The following FGD4 variants were observed in gnomAD, a reference collection of about 807,000 sequenced individuals.
FGD4 encodes FYVE, RhoGEF and PH domain-containing protein 4.
A neutral mutation model predicts 102.0 loss-of-function variants in FGD4; 42 were observed. The ratio of observed to expected loss-of-function variants is 0.41; its 90% CI spans 0.32 to 0.53. The LOEUF (loss-of-function observed/expected upper bound fraction) is 0.53, where lower values mean the gene tolerates loss of function less well. Among genes scored for constraint, FGD4 ranks in the 20% least tolerant of loss-of-function variants. The pLI is 0.21. For synonymous variants in FGD4, 380 were observed against 375.7 expected, an observed-to-expected ratio of 1.01 and a Z score of -0.13; for missense variants, 902 against 1,078.2, an observed-to-expected ratio of 0.84 and a Z score of 2.29.
chr12:32,514,195 T>C (rs1210818608), intron 1 of FGD4, among the ~76,000 whole-genome samples: 1 of 152,218 alleles, frequency 6.6e-6, no homozygotes, highest in Non-Finnish European at 1.5e-5. Context: ...AATGGATATA[T>C]ATTCATGTTA....
intron 14 of FGD4, among the ~76,000 whole-genome samples, chr12:32,627,991 T>A (rs1469883811): frequency 6.6e-6 from 1 of 152,064 alleles, no homozygotes; most frequent in Non-Finnish European, 1.5e-5. Context: ...AAATGGGATA[T>A]GTGAACCTGG....
intron 1 of FGD4, among the ~76,000 whole-genome samples, chr12:32,474,853 G>A (rs570240332): frequency 7.9e-5 from 12 of 152,244 alleles, no homozygotes; most frequent in Non-Finnish European, 1.3e-4. Context: ...GCGGTGAGCC[G>A]TGATTGCACC....
At chr12:32,482,021 A>G (rs1472334116) in intron 1 of FGD4, among the ~76,000 whole-genome samples, 2 of 152,172 alleles carry the variant, frequency 1.3e-5, no homozygotes, top group African/African-American at 2.4e-5. Flanking sequence ...ATGTCTTGGT[A>G]CCTACACATT....
At chr12:32,464,607 T>C (rs962144355) in intron 1 of FGD4, among the ~76,000 whole-genome samples, 1 of 152,200 alleles carries the variant, frequency 6.6e-6, no homozygotes, top group African/African-American at 2.4e-5. Context: ...TGGATAAAAT[T>C]TATTGAGAGC....
At chr12:32,609,966 GT>G (rs1190654101) in intron 8 of FGD4, among the ~76,000 whole-genome samples, 1 of 152,122 alleles carries the variant, frequency 6.6e-6, no homozygotes, top group Non-Finnish European at 1.5e-5. Flanking sequence ...ACACCAAAGA[GT>G]TCCCATTCCC....
intron 1 of FGD4, among the ~76,000 whole-genome samples, chr12:32,414,109 T>C (rs1565726332): frequency 6.6e-6 from 1 of 151,532 alleles, no homozygotes; most frequent in African/African-American, 2.4e-5. Context: ...GTAGCTGGGA[T>C]TACAGGCGCC....
In FGD4 at chr12:32,563,988, G is replaced by A. The variant is rs75309889; in HGVS notation, c.167-149G>A. 873 of 780,100 alleles carry A rather than the reference G, an allele frequency of 1.1e-3. 8 individuals carry two copies. In the East Asian group the frequency reaches 0.023, roughly 21 times the overall value. 48.3% of individuals were successfully genotyped at this position (780,100 alleles called of 1,614,324 possible). A position where few individuals can be genotyped will look rare whatever the true frequency, so the allele number is the denominator to read the frequency against. ...TTCGGCTCGGCATCAGAGGGAGACC[G>A]TGGAAAGAGAGGGAGACCGTGGAAA... On this transcript the variant is annotated intron_variant, in intron 1 of 16. Coordinates refer to ENST00000534526, the MANE Select transcript of FGD4 (RefSeq NM_001370298.3).
At chr12:32,402,232 G>C (rs997334489) in intron 1 of FGD4, among the ~76,000 whole-genome samples, 1 of 151,046 alleles carries the variant, frequency 6.6e-6, no homozygotes, top group African/African-American at 2.4e-5. Flanking sequence ...CTTGAGCCCA[G>C]GAGTTTGAGA....
chr12:32,525,604 C>G (rs1284530397), intron 1 of FGD4, among the ~76,000 whole-genome samples: 1 of 152,250 alleles, frequency 6.6e-6, no homozygotes, highest in Non-Finnish European at 1.5e-5. Context: ...CCCCACTGCA[C>G]TGTGGGAGCC....
chr12:32,585,446 T>G (rs902518951), intron 4 of FGD4, among the ~76,000 whole-genome samples: 9 of 151,576 alleles, frequency 5.9e-5, no homozygotes, highest in Non-Finnish European at 1.3e-4. Flanking sequence ...AACATAGAAA[T>G]GGACTAGACA....
chr12:32,577,626 T>C (rs972826399), intron 3 of FGD4, among the ~76,000 whole-genome samples: 5 of 152,228 alleles, frequency 3.3e-5, no homozygotes, highest in East Asian at 1.9e-4. Context: ...TCCTGATACA[T>C]TGTAGGAACT....
chr12:32,446,948 A>G (rs962564818), intron 1 of FGD4, among the ~76,000 whole-genome samples: 2 of 152,196 alleles, frequency 1.3e-5, no homozygotes, highest in Admixed American at 6.5e-5. Flanking sequence ...CAGTCCAGTT[A>G]TTGTGAGCAG....
intron 11 of FGD4, among the ~76,000 whole-genome samples, chr12:32,622,942 A>C (rs1032048173): frequency 2.0e-5 from 3 of 152,188 alleles, no homozygotes; most frequent in African/African-American, 7.2e-5. Flanking sequence ...AGAAAGTCAG[A>C]GTGCCATAGG....
At chr12:32,557,981 G>T (rs73100131) in intron 1 of FGD4, among the ~76,000 whole-genome samples, 2,543 of 152,136 alleles carry the variant, frequency 0.017, 68 homozygotes, top group Admixed American at 0.075. Flanking sequence ...GCCGACCAGG[G>T]TTAACATCAC....
At position 32,443,678 on chromosome 12, in the gene FGD4, G is replaced by A. The variant is rs569077281; in HGVS notation, c.166+43719G>A. Among the ~76,000 whole-genome samples, 92 of 151,128 alleles carry A rather than the reference G, an allele frequency of 6.1e-4. 1 individual carries two copies. The highest frequency in any genetic ancestry group is 2.1e-3 in the African/African-American group (87 of 41,158). The stretch of plus-strand genomic sequence containing the variant: ...GTATCTGGGACTACAGGAATGCAGC[G>A]CCACACCTAGTGGTGGCGAAACATG... On this transcript the variant is annotated intron_variant, in intron 1 of 16. Coordinates refer to ENST00000534526, the MANE Select transcript of FGD4 (RefSeq NM_001370298.3).
intron 1 of FGD4, among the ~76,000 whole-genome samples, chr12:32,483,371 A>G (rs899211142): frequency 1.3e-5 from 2 of 152,194 alleles, no homozygotes; most frequent in African/African-American, 4.8e-5. Context: ...TCCCTGCAAC[A>G]TTTTTCTACG....
rs1288182645 is a variant in FGD4 at position 32,642,386 on chromosome 12, A to G, written c.*1853A>G. On this transcript the variant is annotated 3_prime_UTR_variant, in exon 17 of 17. Coordinates refer to ENST00000534526, the MANE Select transcript of FGD4 (RefSeq NM_001370298.3). The stretch of plus-strand genomic sequence containing the variant: ...ATGCTTTGGTTTTCTTAATCTCAAG[A>G]AAAGAGAAGCAATGGAAATACAGAA... 1 of 152,124 alleles carries G rather than the reference A, an allele frequency of 6.6e-6. No individual in the cohort carries two copies. The highest frequency in any genetic ancestry group is 1.5e-5 in the Non-Finnish European group (1 of 67,966). The allele number at this position is 152,124 out of a possible 1,614,324, so 9.4% of individuals were successfully genotyped here. A position where few individuals can be genotyped will look rare whatever the true frequency, so the allele number is the denominator to read the frequency against.
In FGD4 at chr12:32,645,975, T is replaced by C. The variant is rs1200991242; in HGVS notation, c.*5442T>C. 2.0e-5 allele frequency: 3 copies of C among 152,130 alleles called. No homozygotes were observed. Among genetic ancestry groups the C allele is most frequent in the Admixed American group, 6.6e-5 (1 of 15,264 alleles). 9.4% of individuals were successfully genotyped at this position (152,130 alleles called of 1,614,324 possible). ...TCATAAAAGCAGATAATTGGAAACA[T>C]TGTAAAATTAAGCACTTTAATTCCT... is the stretch of plus-strand genomic sequence containing the variant. On this transcript the variant is annotated 3_prime_UTR_variant, in exon 17 of 17. Coordinates refer to ENST00000534526, the MANE Select transcript of FGD4 (RefSeq NM_001370298.3).
intron 1 of FGD4, among the ~76,000 whole-genome samples, chr12:32,561,174 C>T (rs542901422): frequency 2.0e-5 from 3 of 148,222 alleles, no homozygotes; most frequent in South Asian, 4.4e-4. Context: ...AACCTCCCCC[C>T]ATCCTGGGTT....
Sources: allele counts gnomAD v4.1 joint callset (sites outside exome capture counted in the v4.1 genomes callset), GRCh38; gene constraint gnomAD v4.1.1; transcripts MANE v1.5; gene names NCBI Gene and HGNC (gene_info 2026-07-23, HGNC 2026-07-21).